Variants in GABRP observed in about 807,000 individuals in gnomAD.
GABRP encodes gamma-aminobutyric acid type A receptor subunit pi.
GABRP carries 52 observed loss-of-function variants against 47.8 expected under a neutral mutation model. The observed-to-expected ratio is 1.09, with a 90% CI of 0.87 to 1.37. The LOEUF (loss-of-function observed/expected upper bound fraction) is 1.37. GABRP is among the 40% of genes most tolerant of loss of function. The probability of loss-of-function intolerance (pLI) is 0.00; values close to 1 mark genes in which losing one functional copy is unlikely to be tolerated. For synonymous variants in GABRP, 221 were observed against 205.8 expected (o/e 1.07, Z -0.63); for missense variants, 525 against 542.8 (o/e 0.97, Z 0.33).
Position 170,813,841 on chromosome 5 carries a change from C to T in GABRP, c.*1583C>T, listed in dbSNP as rs1561818331. ...GAGTTTGATCACCTGATTTTTTTAACAAAATATTTCTAACGGGAATGGGTG... is the reference window on the plus strand; with the variant it reads ...GAGTTTGATCACCTGATTTTTTTAATAAAATATTTCTAACGGGAATGGGTG... On this transcript the variant is annotated 3_prime_UTR_variant, in exon 10 of 10. Coordinates refer to ENST00000265294, the MANE Select transcript of GABRP (RefSeq NM_014211.3). 1 of 151,920 alleles carries T rather than the reference C, an allele frequency of 6.6e-6. No individual in the cohort carries two copies. Among genetic ancestry groups the T allele is most frequent in the African/African-American group, 2.4e-5 (1 of 41,364 alleles). 9.4% of individuals were successfully genotyped at this position (151,920 alleles called of 1,614,324 possible). A position where few individuals can be genotyped will look rare whatever the true frequency, so the allele number is the denominator to read the frequency against.
intron 1 of GABRP, among the ~76,000 whole-genome samples, chr5:170,787,355 C>G (rs1035608424): frequency 1.3e-5 from 2 of 152,250 alleles, no homozygotes; most frequent in African/African-American, 2.4e-5. Flanking sequence ...TGAGCACCCC[C>G]ATTCTGCTGT....
intron 3 of GABRP, 82 bp downstream of exon 3, chr5:170,789,329 T>G: frequency 1.3e-6 from 1 of 787,856 alleles, no homozygotes. Flanking sequence ...CGGGAGGTTT[T>G]AGTTGACTCC....
At position 170,811,962 on chromosome 5, in the gene GABRP, A is replaced by G. The variant is rs78172859; in HGVS notation, c.1027A>G (p.Thr343Ala). The G allele has an allele frequency of 3.1e-6, 5 of 1,613,358 alleles. No homozygotes were observed. The highest frequency in any genetic ancestry group is 4.2e-6 in the Non-Finnish European group (5 of 1,179,404). The change falls in exon 10 of 10, where the codon ACA (threonine) becomes GCA (alanine). Residue 343 changes from threonine to alanine, a missense_variant. Thr to Ala is a moderately conservative substitution (Grantham distance 58). Coordinates refer to ENST00000265294, the MANE Select transcript of GABRP (RefSeq NM_014211.3). The part of the protein sequence containing the change: ...QQMAAKDRGT[T>A]KEVEEVSITN... ...TGCATTGTCTATGAACTAGGGGACAACAAAGGAAGTAGAAGAAGTCAGTAT... is the reference window on the plus strand; with the variant it reads ...TGCATTGTCTATGAACTAGGGGACAGCAAAGGAAGTAGAAGAAGTCAGTAT...
intron 4 of GABRP, among the ~76,000 whole-genome samples, chr5:170,794,960 G>T (rs1187646079): frequency 6.7e-6 from 1 of 149,422 alleles, no homozygotes; most frequent in Non-Finnish European, 1.5e-5. Flanking sequence ...TAAATAAGGC[G>T]ATTTGTTCTC....
At position 170,812,588 on chromosome 5, in the gene GABRP, G is replaced by A. The variant is rs929508783; in HGVS notation, c.*330G>A. ...TGCATTTACCTCATATAAAGAATGGGAAGGAGACCATTGGGTAACCCTCAA... is the reference window on the plus strand; with the variant it reads ...TGCATTTACCTCATATAAAGAATGGAAAGGAGACCATTGGGTAACCCTCAA... On this transcript the variant is annotated 3_prime_UTR_variant, in exon 10 of 10. Coordinates refer to ENST00000265294, the MANE Select transcript of GABRP (RefSeq NM_014211.3). 1 of 226,524 alleles carries A rather than the reference G, an allele frequency of 4.4e-6. No individual in the cohort carries two copies. Among genetic ancestry groups the A allele is most frequent in the African/African-American group, 2.2e-5 (1 of 44,586 alleles). The allele number at this position is 226,524 out of a possible 1,614,324, so 14.0% of individuals were successfully genotyped here.
At chr5:170,811,737 C>T (rs925592704) in intron 9 of GABRP, among the ~76,000 whole-genome samples, 2 of 152,198 alleles carry the variant, frequency 1.3e-5, no homozygotes, top group African/African-American at 4.8e-5. Flanking sequence ...GTTTACTCCT[C>T]CTGTTATATA....
At chr5:170,790,913 G>A (rs1765247833) in intron 3 of GABRP, among the ~76,000 whole-genome samples, 1 of 152,194 alleles carries the variant, frequency 6.6e-6, no homozygotes, top group South Asian at 2.1e-4. Context: ...GGAGATGGGA[G>A]AGATGCATTT....
chr5:170,795,736 G>A (rs1765410010), intron 5 of GABRP, among the ~76,000 whole-genome samples: 1 of 152,180 alleles, frequency 6.6e-6, no homozygotes, highest in Non-Finnish European at 1.5e-5. Context: ...GAGTGGTTTG[G>A]GGGTGATGTT....
intron 6 of GABRP, among the ~76,000 whole-genome samples, chr5:170,804,783 A>G (rs995251344): frequency 1.3e-5 from 2 of 151,998 alleles, no homozygotes; most frequent in African/African-American, 4.8e-5. Flanking sequence ...TTCCTAAGGT[A>G]ACTTTGTTTC....
chr5:170,783,104 G>A (rs933865686), upstream of GABRP, among the ~76,000 whole-genome samples: 3 of 152,148 alleles, frequency 2.0e-5, no homozygotes, highest in African/African-American at 7.2e-5. Flanking sequence ...GGGGGAAGGT[G>A]GAGGGTTGGA....
intron 2 of GABRP, 70 bp from the exon 3 acceptor site, chr5:170,789,059 C>A: frequency 8.1e-7 from 1 of 1,227,208 alleles, no homozygotes; most frequent in Non-Finnish European, 1.2e-6. Flanking sequence ...CAAACACAAG[C>A]TCAAGGGTGT....
At chr5:170,798,804 A>T (rs570397564) in intron 6 of GABRP, among the ~76,000 whole-genome samples, 3 of 151,864 alleles carry the variant, frequency 2.0e-5, no homozygotes, top group Non-Finnish European at 4.4e-5. Context: ...TTATATATAT[A>T]TTTTTATTAT....
rs372994094 is a variant in GABRP at position 170,813,262 on chromosome 5, G to C, written c.*1004G>C. 2.0e-5 allele frequency: 3 copies of C among 152,322 alleles called. No individual in the cohort carries two copies. The highest frequency in any genetic ancestry group is 4.1e-4 in the South Asian group (2 of 4,824). The allele number at this position is 152,322 out of a possible 1,614,324, so 9.4% of individuals were successfully genotyped here. On this transcript the variant is annotated 3_prime_UTR_variant, in exon 10 of 10. Transcript: ENST00000265294. ...ACTGAGCAACACTCTCCCAGTGGCA[G>C]ATCCCCTGTATCATTCCAAGAGGAG...
Position 170,792,420 on chromosome 5 carries a change from C to T in GABRP, c.173-1811C>T, listed in dbSNP as rs574935383. Among the ~76,000 whole-genome samples the T allele has an allele frequency of 1.1e-4, 16 of 145,074 alleles. No individual in the cohort carries two copies. The South Asian group carries it at 1.1e-3, about 10-fold the overall frequency. ...TGCACCACTGCACCTCCAGCCTGGGCGACAAGAGGGAGACTCCATCTCAAA... is the reference window on the plus strand; with the variant it reads ...TGCACCACTGCACCTCCAGCCTGGGTGACAAGAGGGAGACTCCATCTCAAA... On this transcript the variant is annotated intron_variant, in intron 3 of 9. Transcript: ENST00000265294.
chr5:170,811,875 A>T, intron 9 of GABRP, 81 bp from the exon 10 acceptor site: 1 of 1,333,506 alleles, frequency 7.5e-7, no homozygotes, highest in Non-Finnish European at 1.0e-6. Flanking sequence ...TTAGGCCTCT[A>T]AACTTTTTAT....
intron 3 of GABRP, among the ~76,000 whole-genome samples, chr5:170,792,141 A>T (rs971607114): frequency 6.6e-6 from 1 of 152,202 alleles, no homozygotes; most frequent in Non-Finnish European, 1.5e-5. Flanking sequence ...TCTGTTTTAC[A>T]GGTGTGAAAC....
At chr5:170,793,690 G>GA (rs1765341372) in intron 3 of GABRP, among the ~76,000 whole-genome samples, 1 of 152,102 alleles carries the variant, frequency 6.6e-6, no homozygotes, top group Non-Finnish European at 1.5e-5. Context: ...AATGCCATAG[G>GA]AAAAACCCTC....
intron 6 of GABRP, among the ~76,000 whole-genome samples, chr5:170,799,700 C>G (rs941322407): frequency 1.3e-5 from 2 of 152,070 alleles, no homozygotes; most frequent in Non-Finnish European, 2.9e-5. Context: ...CAGATGAGTA[C>G]ATTGCAAAAA....
intron 1 of GABRP, among the ~76,000 whole-genome samples, chr5:170,784,106 G>A (rs980485359): frequency 6.6e-6 from 1 of 152,360 alleles, no homozygotes; most frequent in East Asian, 1.9e-4. Flanking sequence ...AAGACCAGCA[G>A]ACACAGGGCA....
Sources: gnomAD v4.1 joint callset for allele counts (sites outside exome capture counted in the v4.1 genomes callset) on GRCh38, gnomAD v4.1.1 for gene constraint, MANE v1.5 for transcripts, NCBI Gene and HGNC (gene_info 2026-07-23, HGNC 2026-07-21) for gene names.